MYBPC3: variants seen among roughly 807,000 people sequenced by gnomAD.
The protein encoded by MYBPC3 is myosin-binding protein C, cardiac-type.
Under a neutral mutation model 159.3 loss-of-function variants are expected in MYBPC3, and 108 were observed. The observed-to-expected ratio is 0.68, with a 90% CI of 0.58 to 0.80. The LOEUF (loss-of-function observed/expected upper bound fraction) is 0.80. Among genes scored for constraint, MYBPC3 ranks in the 30% least tolerant of loss-of-function variants. The pLI is 0.00. For synonymous variants in MYBPC3, 730 were observed against 702.0 expected (o/e 1.04, Z -0.63); for missense variants, 1,631 against 1,762.1 (o/e 0.93, Z 1.33).
In MYBPC3 at chr11:47,342,565, C is replaced by A. The variant is rs397515913; in HGVS notation, c.1624+13G>T. The A allele has an allele frequency of 2.6e-6, 4 of 1,566,810 alleles. No individual in the cohort carries two copies. The highest frequency in any genetic ancestry group is 1.8e-5 in the Admixed American group (1 of 55,650). ...AGCCCTAAAGCCTCATGTGCCCCCC[C>A]AGCCAGGCTCACCCTGCACAATGAG... On this transcript the variant is annotated intron_variant, in intron 17 of 34. Transcript: ENST00000545968.
At chr11:47,345,260 G>T (rs2142863453) in intron 12 of MYBPC3, among the ~76,000 whole-genome samples, 1 of 152,316 alleles carries the variant, frequency 6.6e-6, no homozygotes, top group East Asian at 1.9e-4. Flanking sequence ...AACATTGGTG[G>T]CATTCAGGGG....
chr11:47,333,459 G>A, intron 29 of MYBPC3, 98 bp downstream of exon 29: 2 of 1,536,382 alleles, frequency 1.3e-6, no homozygotes, highest in Non-Finnish European at 1.8e-6. Flanking sequence ...ACTGGAAAAT[G>A]TGAGCTGTGG....
rs2095883461 is a variant in MYBPC3 at position 47,337,464 on chromosome 11, C to T, written c.2529G>A (p.Glu843=). ...ARRMIEGVVY[E]MRVYAVNAIG... is the part of the protein sequence containing the mutation. ...TGGCGTTGACCGCGTAGACGCGCAT[C>T]TCGTACACCACGCCCTCGATCATGC... The change falls in exon 25 of 35, where the codon GAG becomes GAA. Residue 843 remains glutamate, a synonymous_variant. Transcript: ENST00000545968. The T allele has an allele frequency of 6.2e-7, 1 of 1,613,792 alleles. No homozygotes were observed. Among genetic ancestry groups the T allele is most frequent in the Non-Finnish European group, 8.5e-7 (1 of 1,179,880 alleles).
chr11:47,335,717 CA>C, intron 26 of MYBPC3, 159 bp downstream of exon 26: 1 of 605,510 alleles, frequency 1.7e-6, no homozygotes, highest in Non-Finnish European at 2.6e-6. Context: ...TTTCACTAGG[CA>C]AGCTTTTTTA....
At position 47,341,012 on chromosome 11, in the gene MYBPC3, G is replaced by A. The variant is rs1256268501; in HGVS notation, c.1918C>T (p.Pro640Ser). Residue 640 changes from proline (P) to serine (S), a missense_variant, in exon 20 of 35, where the codon CCC becomes TCC. Coordinates refer to ENST00000545968, the MANE Select transcript of MYBPC3 (RefSeq NM_000256.3). ...HFMEVKIDFVPRQEPPKIHLD... is the reference protein window; with the variant it reads ...HFMEVKIDFVSRQEPPKIHLD... ...GGGCCCCAAGACTTACCCTGCCTGG[G>A]TACGAAGTCAATCTTGACCTCTGCA... 6.4e-7 allele frequency: 1 copy of A among 1,569,460 alleles called. No individual in the cohort carries two copies. Among genetic ancestry groups the A allele is most frequent in the Non-Finnish European group, 8.6e-7 (1 of 1,158,198 alleles).
At chr11:47,335,230 G>T in intron 26 of MYBPC3, 21 bp from the exon 27 acceptor site, 1 of 1,568,800 alleles carries the variant, frequency 6.4e-7, no homozygotes. Context: ...GGAGGGGGAG[G>T]CAAGGCCACA....
In MYBPC3 at chr11:47,343,522, T is replaced by C; in HGVS notation, c.1193A>G (p.Lys398Arg). 11 of 1,601,078 alleles carry C rather than the reference T, an allele frequency of 6.9e-6. No individual in the cohort carries two copies. The highest frequency in any genetic ancestry group is 9.4e-6 in the Non-Finnish European group (11 of 1,174,028). ...ADHDAEVKWLKNGQEIQMSGS... is the reference protein window; with the variant it reads ...ADHDAEVKWLRNGQEIQMSGS... ...GCTCATCTGGATCTCCTGGCCATTC[T>C]TGAGCCATTTGACCTCAGCGTCATG... is the stretch of plus-strand genomic sequence containing the variant. The change falls in exon 13 of 35, where the codon AAG becomes AGG. Residue 398 changes from lysine (K) to arginine (R), a missense_variant. Lys to Arg is a conservative substitution (Grantham distance 26, BLOSUM62 2). Transcript: ENST00000545968.
chr11:47,331,824 T>C, intron 34 of MYBPC3, 21 bp downstream of exon 34: 3 of 1,594,248 alleles, frequency 1.9e-6, no homozygotes, highest in Non-Finnish European at 2.6e-6. Flanking sequence ...ACTTGTGCCC[T>C]GGGTGTCGGG....
intron 30 of MYBPC3, 70 bp downstream of exon 30, chr11:47,333,124 A>G (rs1177143417): frequency 1.3e-6 from 2 of 1,547,444 alleles, no homozygotes; most frequent in African/African-American, 2.7e-5. Flanking sequence ...AGGACAGTGA[A>G]GGGTAGCTGC....
Position 47,333,447 on chromosome 11 carries a change from G to A in MYBPC3, c.3190+110C>T, listed in dbSNP as rs1274892635. 2.0e-6 allele frequency: 3 copies of A among 1,519,472 alleles called. No individual in the cohort carries two copies. The East Asian group carries it at 7.2e-5, about 36-fold the overall frequency. The allele number at this position is 1,519,472 out of a possible 1,614,324, so 94.1% of individuals were successfully genotyped here. A position where few individuals can be genotyped will look rare whatever the true frequency, so the allele number is the denominator to read the frequency against. On this transcript the variant is annotated intron_variant, in intron 29 of 34. Coordinates refer to ENST00000545968, the MANE Select transcript of MYBPC3 (RefSeq NM_000256.3). Reference sequence around the variant, plus strand: ...CCAGGGCCAGGCCTGCTGGGGCAGTGGACTGGAAAATGTGAGCTGTGGGTT... The same window carrying A: ...CCAGGGCCAGGCCTGCTGGGGCAGTAGACTGGAAAATGTGAGCTGTGGGTT...
rs886048370 is a variant in MYBPC3, at chr11:47,332,560, C to T, written c.3627+6G>A. On this transcript the variant is annotated splice_donor_region_variant and intron_variant, in intron 32 of 34. Coordinates refer to ENST00000545968, the MANE Select transcript of MYBPC3 (RefSeq NM_000256.3). The surrounding 1 kb of genome is among the most constrained non-coding windows in gnomAD (Gnocchi z 4.2). Reference sequence around the variant, plus strand: ...TCGGCCTGGACCAGCGCCTAAAGTTCCCTACCTTGGGGCTACCCCGGACAG... The same window carrying T: ...TCGGCCTGGACCAGCGCCTAAAGTTTCCTACCTTGGGGCTACCCCGGACAG... 1 of 1,603,154 alleles carries T rather than the reference C, an allele frequency of 6.2e-7. No individual in the cohort carries two copies.
chr11:47,332,591 C>G lies in MYBPC3; in HGVS notation c.3602G>C (p.Cys1201Ser). The change falls in exon 32 of 35, where the codon TGC becomes TCC. Residue 1201 changes from cysteine (C) to serine (S), a missense_variant. By Grantham distance (112) the Cys-to-Ser change is moderately radical. Transcript: ENST00000545968. The surrounding 1 kb of genome is among the most constrained non-coding windows in gnomAD (Gnocchi z 4.2). ...CTTGGGGCTACCCCGGACAGCACAG[C>G]AGAGCATAGCAGTGTAGCCCGCGAT... is the stretch of plus-strand genomic sequence containing the variant. ...SVIAGYTAML[C>S]CAVRGSPKPK... 1 of 1,613,630 alleles carries G rather than the reference C, an allele frequency of 6.2e-7. No homozygotes were observed. The highest frequency in any genetic ancestry group is 2.2e-5 in the East Asian group (1 of 44,884).
chr11:47,335,250 A>AGTGGTG, intron 26 of MYBPC3, 41 bp from the exon 27 acceptor site: 1 of 1,483,954 alleles, frequency 6.7e-7, no homozygotes, highest in Non-Finnish European at 9.1e-7. Flanking sequence ...AGGCTGTGTC[A>AGTGGTG]CCACTGACAC....
Position 47,332,444 on chromosome 11 carries a change from G to T in MYBPC3, c.3627+122C>A. The T allele has an allele frequency of 6.8e-7, 1 of 1,476,092 alleles. No homozygotes were observed. The highest frequency in any genetic ancestry group is 9.1e-7 in the Non-Finnish European group (1 of 1,093,306). 91.4% of individuals were successfully genotyped at this position (1,476,092 alleles called of 1,614,324 possible). On this transcript the variant is annotated intron_variant, in intron 32 of 34. Coordinates refer to ENST00000545968, the MANE Select transcript of MYBPC3 (RefSeq NM_000256.3). The surrounding 1 kb of genome is among the most constrained non-coding windows in gnomAD (Gnocchi z 4.2). Reference sequence around the variant, plus strand: ...TGGCCCTGCCCAGGGGGAGGAACCCGGTCCATACACCCCAAGGTGGAGAGA... The same window carrying T: ...TGGCCCTGCCCAGGGGGAGGAACCCTGTCCATACACCCCAAGGTGGAGAGA...
chr11:47,332,137 A>G lies in MYBPC3; in HGVS notation c.3749T>C (p.Ile1250Thr). Residue 1250 changes from isoleucine to threonine, a missense_variant, in exon 33 of 35, where the codon ATC (isoleucine) becomes ACC (threonine). Coordinates refer to ENST00000545968, the MANE Select transcript of MYBPC3 (RefSeq NM_000256.3). The surrounding 1 kb of genome is among the most constrained non-coding windows in gnomAD (Gnocchi z 4.2). ...TAAGTTGGTGGCCCTGCAGACATAG[A>G]TGCCCCCGTCAAAGGGGCAGGGCTT... ...IRKPCPFDGG[I>T]YVCRATNLQG... 1 of 1,613,682 alleles carries G rather than the reference A, an allele frequency of 6.2e-7. No homozygotes were observed. The highest frequency in any genetic ancestry group is 8.5e-7 in the Non-Finnish European group (1 of 1,179,876).
chr11:47,347,676 G>C lies in MYBPC3; in HGVS notation c.826C>G (p.Leu276Val). 1 of 1,572,828 alleles carries C rather than the reference G, an allele frequency of 6.4e-7. No individual in the cohort carries two copies. Among genetic ancestry groups the C allele is most frequent in the Non-Finnish European group, 8.6e-7 (1 of 1,159,322 alleles). Residue 276 changes from leucine to valine, a missense_variant, in exon 8 of 35, where the codon CTG (leucine) becomes GTG (valine). Physicochemically the swap from Leu to Val is conservative, Grantham distance 32. Coordinates refer to ENST00000545968, the MANE Select transcript of MYBPC3 (RefSeq NM_000256.3). ...CTGATCCGCCGACCACCTCCAGCCAGGCTCCTGTGGGGGTTAGACTCAGTA... is the reference window on the plus strand; with the variant it reads ...CTGATCCGCCGACCACCTCCAGCCACGCTCCTGTGGGGGTTAGACTCAGTA... Reference protein sequence around the residue: ...DLLSAFRRTSLAGGGRRISDS... With the variant: ...DLLSAFRRTSVAGGGRRISDS...
At position 47,348,449 on chromosome 11, in the gene MYBPC3, G is replaced by A. The variant is rs771929829; in HGVS notation, c.747C>T (p.Cys249=). ...CGTGGACAGTGAGATTGAAGTTGGA[G>A]CAGTCAAATTTGTCCTTGGTGGACA... ...CEVSTKDKFD[C]SNFNLTVHEA... Residue 249 remains cysteine, a synonymous_variant, in exon 6 of 35, where the codon TGC becomes TGT. Transcript: ENST00000545968. 1.9e-6 allele frequency: 3 copies of A among 1,612,948 alleles called. No homozygotes were observed. Among genetic ancestry groups the A allele is most frequent in the Admixed American group, 3.3e-5 (2 of 59,886 alleles).
chr11:47,335,815 C>T, intron 26 of MYBPC3, 62 bp downstream of exon 26: 1 of 1,339,468 alleles, frequency 7.5e-7, no homozygotes, highest in Non-Finnish European at 9.7e-7. Context: ...GGTGAATCTG[C>T]TCAATGGCAA....
intron 21 of MYBPC3, 117 bp downstream of exon 21, chr11:47,339,534 G>A (rs547105529): frequency 1.2e-4 from 182 of 1,478,682 alleles, no homozygotes; most frequent in African/African-American, 4.3e-4. Flanking sequence ...TCTCTCCCAT[G>A]GGGTAGCCAA....
Sources: gnomAD v4.1 joint callset for allele counts (sites outside exome capture counted in the v4.1 genomes callset) on GRCh38, gnomAD v4.1.1 for gene constraint, Gnocchi (gnomAD v3.1) non-coding constraint, MANE v1.5 for transcripts, NCBI Gene and HGNC (gene_info 2026-07-23, HGNC 2026-07-21) for gene names.